Variants in SPMAP1 observed in about 807,000 individuals in gnomAD.
SPMAP1 encodes the protein uncharacterized protein C17orf98.
At chr17:38,839,923 C>T in the SPMAP1 span, among the ~76,000 whole-genome samples, 17 of 151,842 alleles carry the variant, frequency 1.1e-4, no homozygotes, top group East Asian at 2.7e-3. Context: ...ACACAAATCC[C>T]GAAGATTTGC....
At chr17:38,840,643 A>G in the SPMAP1 span, among the ~76,000 whole-genome samples, 2 of 148,174 alleles carry the variant, frequency 1.3e-5, no homozygotes, top group Non-Finnish European at 3.0e-5. Flanking sequence ...AAAAAAAAAA[A>G]AAAAAAAAAA....
the SPMAP1 span, among the ~76,000 whole-genome samples, chr17:38,835,840 A>T: frequency 6.6e-6 from 1 of 152,164 alleles, no homozygotes; most frequent in Non-Finnish European, 1.5e-5. Flanking sequence ...CATTGTTGTT[A>T]ACCTGGGCCT....
At chr17:38,837,690 A>AG in the SPMAP1 span, among the ~76,000 whole-genome samples, 1 of 151,692 alleles carries the variant, frequency 6.6e-6, no homozygotes, top group Non-Finnish European at 1.5e-5. Context: ...AAAAAAAAAA[A>AG]AAGAAAAAAA....
At chr17:38,840,309 AT>A in the SPMAP1 span, among the ~76,000 whole-genome samples, 1 of 152,050 alleles carries the variant, frequency 6.6e-6, no homozygotes. Flanking sequence ...TATTTAGAGA[AT>A]TTGCGGTGTG....
chr17:38,836,477 G>C, the SPMAP1 span, among the ~76,000 whole-genome samples: 1 of 152,028 alleles, frequency 6.6e-6, no homozygotes, highest in African/African-American at 2.4e-5. Context: ...GTGCACACCT[G>C]TGGGCCCAAC....
At chr17:38,837,514 CA>C in the SPMAP1 span, among the ~76,000 whole-genome samples, 2 of 151,534 alleles carry the variant, frequency 1.3e-5, no homozygotes, top group Non-Finnish European at 2.9e-5. Context: ...CCATCTTTAC[CA>C]AAAATACAAA....
the SPMAP1 span, among the ~76,000 whole-genome samples, chr17:38,836,747 C>T: frequency 9.9e-4 from 150 of 152,008 alleles, 1 homozygote; most frequent in African/African-American, 1.1e-3. Context: ...CGAGCCACCA[C>T]GCCTGGCTAA....
the SPMAP1 span, chr17:38,841,167 C>T: frequency 5.6e-6 from 9 of 1,596,522 alleles, no homozygotes; most frequent in African/African-American, 8.0e-5. Context: ...TGGGGTCTTC[C>T]GGGAAGCTCC....
At chr17:38,841,280 C>G in the SPMAP1 span, 1 of 1,614,188 alleles carries the variant, frequency 6.2e-7, no homozygotes, top group East Asian at 2.2e-5. Context: ...AATCGCCGAC[C>G]ACAGCTTGGG....
the SPMAP1 span, chr17:38,835,378 G>T: frequency 1.9e-6 from 3 of 1,610,858 alleles, no homozygotes; most frequent in South Asian, 1.1e-5. Context: ...GCCTGAGCCT[G>T]CATTCAGCCC....
the SPMAP1 span, among the ~76,000 whole-genome samples, chr17:38,836,694 A>C: frequency 3.5e-5 from 5 of 143,934 alleles, no homozygotes; most frequent in Non-Finnish European, 6.0e-5. Context: ...GGGTTCAAGC[A>C]GTTCTCCTGC....
the SPMAP1 span, among the ~76,000 whole-genome samples, chr17:38,839,424 T>C: frequency 7.0e-6 from 1 of 143,838 alleles, no homozygotes; most frequent in Non-Finnish European, 1.5e-5. Context: ...GCCAAAATTA[T>C]GCCACTGCAC....
At chr17:38,839,467 C>CAAAAAA in the SPMAP1 span, among the ~76,000 whole-genome samples, 16 of 124,752 alleles carry the variant, frequency 1.3e-4, no homozygotes, top group South Asian at 2.6e-4. Flanking sequence ...GACCCTGTCT[C>CAAAAAA]AAAAAAAAAA....
the SPMAP1 span, chr17:38,841,330 C>T: frequency 6.2e-7 from 1 of 1,614,202 alleles, no homozygotes; most frequent in Non-Finnish European, 8.5e-7. Context: ...TGCTCACAGC[C>T]ACCCCGTCCA....
At chr17:38,837,804 C>T in the SPMAP1 span, among the ~76,000 whole-genome samples, 71,407 of 151,984 alleles carry the variant, frequency 0.47, 17,977 homozygotes, top group Middle Eastern at 0.67. Context: ...CTAACTCCAG[C>T]TCAACCATTA....
At chr17:38,841,340 A>G in the SPMAP1 span, 4 of 1,614,086 alleles carry the variant, frequency 2.5e-6, no homozygotes, top group South Asian at 1.1e-5. Flanking sequence ...CACCCCGTCC[A>G]AGATAAAGCC....
chr17:38,840,617 C>CAAAAAAAAAAAAAA, the SPMAP1 span, among the ~76,000 whole-genome samples: 4 of 48,724 alleles, frequency 8.2e-5, no homozygotes, highest in African/African-American at 2.7e-4. Context: ...CCCCTCTCTA[C>CAAAAAAAAAAAAAA]AAAAAAAAAA....
the SPMAP1 span, chr17:38,837,209 A>G: frequency 1.9e-6 from 3 of 1,613,828 alleles, no homozygotes; most frequent in Admixed American, 3.3e-5. Context: ...GTAGTCTACT[A>G]TCCAGCCATC....
chr17:38,840,246 A>G, the SPMAP1 span, among the ~76,000 whole-genome samples: 1 of 152,306 alleles, frequency 6.6e-6, no homozygotes, highest in East Asian at 1.9e-4. Context: ...CTCGCCCTGC[A>G]GGTCAAATCA....
Sources: allele counts gnomAD v4.1 joint callset (sites outside exome capture counted in the v4.1 genomes callset), GRCh38; gene constraint gnomAD v4.1.1; transcripts MANE v1.5; gene names NCBI Gene and HGNC (gene_info 2026-07-23, HGNC 2026-07-21).